The following ABCC6 variants were observed in gnomAD, a reference collection of about 807,000 sequenced individuals.
The protein encoded by ABCC6 is ATP-binding cassette sub-family C member 6.
Under a neutral mutation model 169.5 loss-of-function variants are expected in ABCC6, and 126 were observed. That is an observed-to-expected ratio of 0.74 (90% CI 0.64 to 0.86). The LOEUF (loss-of-function observed/expected upper bound fraction) is 0.86, where lower values mean the gene tolerates loss of function less well. Ranked by LOEUF, ABCC6 falls within the 40% of genes least tolerant of loss-of-function variation. The probability of loss-of-function intolerance (pLI) is 0.00; values close to 1 mark genes in which losing one functional copy is unlikely to be tolerated. For synonymous variants in ABCC6, 752 were observed against 814.7 expected, an observed-to-expected ratio of 0.92 and a Z score of 1.31; for missense variants, 1,733 against 1,927.2, an observed-to-expected ratio of 0.90 and a Z score of 1.89.
At chr16:16,221,593 G>A (rs1375659396) in intron 2 of ABCC6, 56 bp downstream of exon 2, 18 of 1,596,006 alleles carry the variant, frequency 1.1e-5, no homozygotes, top group Non-Finnish European at 1.5e-5. Flanking sequence ...GTTCCAGCCT[G>A]TCCCCTGCCT....
Position 16,182,408 on chromosome 16 carries a change from T to C in ABCC6, c.2247+4A>G. ...CTGTCCCAAAAAGACCCCCAAACTC[T>C]CACCTGCTCCCCAATTGAAGTGTGG... is the stretch of plus-strand genomic sequence containing the variant. On this transcript the variant is annotated splice_donor_region_variant and intron_variant, in intron 17 of 30. Transcript: ENST00000205557. 1.9e-6 allele frequency: 3 copies of C among 1,613,490 alleles called. No homozygotes were observed. The highest frequency in any genetic ancestry group is 2.5e-6 in the Non-Finnish European group (3 of 1,179,994).
In ABCC6 at chr16:16,202,015, G is replaced by C; in HGVS notation, c.1162C>G (p.Leu388Val). The C allele has an allele frequency of 2.5e-6, 4 of 1,613,990 alleles. No homozygotes were observed. Among genetic ancestry groups the C allele is most frequent in the Non-Finnish European group, 3.4e-6 (4 of 1,179,868 alleles). ...QMRLRSAITG[L>V]VYRKVLALSS... ...CCAGGGCTCACCTTTCTGTACACCAGGCCAGTGATGGCCGACCGCAACCTC... is the reference window on the plus strand; with the variant it reads ...CCAGGGCTCACCTTTCTGTACACCACGCCAGTGATGGCCGACCGCAACCTC... Residue 388 changes from leucine to valine, a missense_variant, in exon 9 of 31, where the codon CTG becomes GTG. Leu to Val is a conservative substitution (Grantham distance 32, BLOSUM62 1). Around this residue, in one of 5 missense-constraint regions of ABCC6, gnomAD observed 1,601 missense variants for 1,635.5 expected, o/e 0.98. Transcript: ENST00000205557.
chr16:16,188,763 G>T, intron 13 of ABCC6, 68 bp downstream of exon 13: 1 of 1,553,104 alleles, frequency 6.4e-7, no homozygotes, highest in East Asian at 2.4e-5. Context: ...GGCAGGGGTA[G>T]GGAAGCTGGA....
chr16:16,172,126 G>A (rs75311683), intron 21 of ABCC6, among the ~76,000 whole-genome samples: 1 of 120,308 alleles, frequency 8.3e-6, no homozygotes. Context: ...ATGGATAAAT[G>A]AATGGATGGG....
At chr16:16,212,737 T>C (rs1484833131) in intron 5 of ABCC6, among the ~76,000 whole-genome samples, 2 of 152,020 alleles carry the variant, frequency 1.3e-5, no homozygotes, top group African/African-American at 2.4e-5. Flanking sequence ...GGCCTGACAA[T>C]GTCCACAAGG....
Position 16,150,072 on chromosome 16 carries a change from C to T in ABCC6, c.*61G>A. 1.2e-6 allele frequency: 2 copies of T among 1,603,852 alleles called. No homozygotes were observed. Among genetic ancestry groups the T allele is most frequent in the Non-Finnish European group, 1.7e-6 (2 of 1,175,982 alleles). On this transcript the variant is annotated 3_prime_UTR_variant, in exon 31 of 31. Coordinates refer to ENST00000205557, the MANE Select transcript of ABCC6 (RefSeq NM_001171.6). ...GCTATCGATGACCACGGGTCACTTC[C>T]ATCTCCAGCACTGCAGGCTGTGCGG...
chr16:16,197,714 G>A (rs2048096349), intron 10 of ABCC6, among the ~76,000 whole-genome samples: 1 of 134,046 alleles, frequency 7.5e-6, no homozygotes, highest in Non-Finnish European at 1.6e-5. Flanking sequence ...AGGGGTGCAA[G>A]AGGAGGGGGG....
At chr16:16,161,314 G>T in intron 25 of ABCC6, 124 bp downstream of exon 25, 8 of 1,392,690 alleles carry the variant, frequency 5.7e-6, no homozygotes, top group South Asian at 2.5e-5. Context: ...GTCCCTCCTT[G>T]GTGGAGGGAC....
chr16:16,150,569 G>A lies in ABCC6; in HGVS notation c.4403+9C>T, dbSNP rs772585772. 6.9e-6 allele frequency: 11 copies of A among 1,605,638 alleles called. No homozygotes were observed. In the Admixed American group the frequency reaches 1.2e-4, roughly 17 times the overall value. On this transcript the variant is annotated intron_variant, in intron 30 of 30. Coordinates refer to ENST00000205557, the MANE Select transcript of ABCC6 (RefSeq NM_001171.6). Reference sequence around the variant, plus strand: ...CTGCTGTGAGGTCAGGCCGGGGCGGGAGCCTTACCGGGCACAGTCCATCAC... The same window carrying A: ...CTGCTGTGAGGTCAGGCCGGGGCGGAAGCCTTACCGGGCACAGTCCATCAC...
intron 29 of ABCC6, among the ~76,000 whole-genome samples, chr16:16,152,995 C>T (rs2046433203): frequency 6.6e-6 from 1 of 151,984 alleles, no homozygotes; most frequent in African/African-American, 2.4e-5. Context: ...CTCCCGGGTT[C>T]AAGCGATTCT....
chr16:16,155,162 C>T (rs1318720292), intron 27 of ABCC6, 131 bp from the exon 28 acceptor site: 12 of 1,088,150 alleles, frequency 1.1e-5, no homozygotes, highest in Non-Finnish European at 1.6e-5. Context: ...TTCCATCTCT[C>T]TTTCCATCTG....
At chr16:16,208,586 T>G in intron 7 of ABCC6, 142 bp downstream of exon 7, 3 of 1,332,164 alleles carry the variant, frequency 2.3e-6, no homozygotes, top group East Asian at 2.4e-5. Context: ...GTTGGCCAGA[T>G]TGGTCTTGAA....
At position 16,157,675 on chromosome 16, in the gene ABCC6, G is replaced by A. The variant is rs760304927; in HGVS notation, c.3870C>T (p.His1290=). ...LAVQGVSFKI[H]AGEKVGIVGR... ...GAGAACCACTCACCTTCTCTCCTGCGTGGATCTTGAAGGACACGCCCTGCA... is the reference window on the plus strand; with the variant it reads ...GAGAACCACTCACCTTCTCTCCTGCATGGATCTTGAAGGACACGCCCTGCA... The change falls in exon 27 of 31, where the codon CAC becomes CAT. Residue 1290 remains histidine, a synonymous_variant. Transcript: ENST00000205557. The A allele has an allele frequency of 3.0e-5, 48 of 1,613,960 alleles. No homozygotes were observed. The highest frequency in any genetic ancestry group is 4.4e-5 in the South Asian group (4 of 91,078).
intron 6 of ABCC6, among the ~76,000 whole-genome samples, chr16:16,211,859 C>T (rs910999357): frequency 2.0e-5 from 3 of 151,830 alleles, no homozygotes; most frequent in South Asian, 2.1e-4. Flanking sequence ...ATTAAGCACC[C>T]GCTGTGTGCA....
rs2047175376 is a variant in ABCC6 at position 16,173,410 on chromosome 16, A to G, written c.2667-6T>C. On this transcript the variant is annotated splice_region_variant and splice_polypyrimidine_tract_variant and intron_variant, in intron 20 of 30. Transcript: ENST00000205557. ...CAGGGACTGACTTGATGGACCTGTC[A>G]TTTAGAGGAAATGAAGACAAAGTCA... 1.9e-6 allele frequency: 3 copies of G among 1,614,070 alleles called. No homozygotes were observed. The highest frequency in any genetic ancestry group is 2.5e-6 in the Non-Finnish European group (3 of 1,180,004).
At chr16:16,167,417 A>T (rs1431551282) in intron 22 of ABCC6, among the ~76,000 whole-genome samples, 1 of 152,210 alleles carries the variant, frequency 6.6e-6, no homozygotes, top group Admixed American at 6.5e-5. Context: ...ATCTAGGGAT[A>T]CTGGTCCCAA....
Position 16,221,682 on chromosome 16 carries a change from G to T in ABCC6, c.186C>A (p.Tyr62Ter). Residue 62 changes from tyrosine (Y) to a stop codon, truncating the protein, a stop_gained, in exon 2 of 31, where the codon TAC becomes TAA. Coordinates refer to ENST00000205557, the MANE Select transcript of ABCC6 (RefSeq NM_001171.6). LOFTEE classifies it high-confidence loss of function. ...CTTTGAAGAGTGGGGACATCCGGAG[G>T]TAGCCCCGGCCATGGTGGTGGATGA... ...LLFIHHHGRG[Y>*]LRMSPLFKAK... The T allele has an allele frequency of 6.2e-7, 1 of 1,613,942 alleles. No homozygotes were observed. Among genetic ancestry groups the T allele is most frequent in the South Asian group, 1.1e-5 (1 of 91,070 alleles).
intron 8 of ABCC6, among the ~76,000 whole-genome samples, chr16:16,203,113 A>G: frequency 6.6e-6 from 1 of 152,198 alleles, no homozygotes. Flanking sequence ...TTACTGACCC[A>G]CATTACCATG....
In ABCC6 at chr16:16,221,802, G is replaced by A. The variant is rs759670541; in HGVS notation, c.66C>T (p.Ala22=). 54 of 1,613,286 alleles carry A rather than the reference G, an allele frequency of 3.3e-5. No homozygotes were observed. Among genetic ancestry groups the A allele is most frequent in the African/African-American group, 2.7e-4 (20 of 74,874 alleles). The change falls in exon 2 of 31, where the codon GCC becomes GCT. Residue 22 remains alanine, a synonymous_variant. Transcript: ENST00000205557. The part of the protein sequence containing the change: ...GVWNQTEPEP[A]ATSLLSLCFL... The stretch of plus-strand genomic sequence containing the variant: ...AGCACAGGCTCAGCAGGCTGGTGGC[G>A]GCAGGTTCAGGCTCTGTCTGGTTCC...
Sources: allele counts gnomAD v4.1 joint callset (sites outside exome capture counted in the v4.1 genomes callset), GRCh38; gene constraint gnomAD v4.1.1; regional missense constraint gnomAD v4.1.1; transcripts MANE v1.5; gene names NCBI Gene and HGNC (gene_info 2026-07-23, HGNC 2026-07-21).